The following ENTREP1 variants were observed in gnomAD, a reference collection of about 807,000 sequenced individuals.
ENTREP1 encodes the protein endosomal transmembrane epsin interactor 1.
chr9:69,341,207 A>T, the ENTREP1 span, among the ~76,000 whole-genome samples: 8 of 152,078 alleles, frequency 5.3e-5, 1 homozygote, highest in South Asian at 1.7e-3. Context: ...TGTCAATTAG[A>T]TGGGATAAGT....
chr9:69,346,219 T>A, the ENTREP1 span, among the ~76,000 whole-genome samples: 2 of 151,718 alleles, frequency 1.3e-5, no homozygotes, highest in Admixed American at 6.6e-5. Flanking sequence ...CTGACTTCAG[T>A]TGATTTGCCT....
the ENTREP1 span, chr9:69,377,386 T>C: frequency 1.2e-6 from 2 of 1,613,162 alleles, no homozygotes; most frequent in South Asian, 2.2e-5. Flanking sequence ...CTCTTTGCCC[T>C]GTGTGCCTTG....
chr9:69,367,786 C>T, the ENTREP1 span, among the ~76,000 whole-genome samples: 68,191 of 94,284 alleles, frequency 0.72, 24,639 homozygotes, highest in African/African-American at 0.78. Context: ...AATATATATA[C>T]ACACATATAT....
chr9:69,337,065 A>AGTG, the ENTREP1 span, among the ~76,000 whole-genome samples: 409 of 123,226 alleles, frequency 3.3e-3, 4 homozygotes, highest in Middle Eastern at 0.013. Flanking sequence ...CCCAGGCTGG[A>AGTG]GTGCAGTGGC....
chr9:69,390,248 A>G, the ENTREP1 span, among the ~76,000 whole-genome samples: 2 of 152,246 alleles, frequency 1.3e-5, no homozygotes, highest in Non-Finnish European at 2.9e-5. Context: ...ATAATCTTTT[A>G]ATGACCTTAA....
At chr9:69,387,091 A>G in the ENTREP1 span, 1 of 152,402 alleles carries the variant, frequency 6.6e-6, no homozygotes, top group South Asian at 2.1e-4. Flanking sequence ...GGAGCCCTCC[A>G]TTGTGGAAGG....
At chr9:69,379,364 G>C in the ENTREP1 span, among the ~76,000 whole-genome samples, 1 of 152,192 alleles carries the variant, frequency 6.6e-6, no homozygotes, top group South Asian at 2.1e-4. Flanking sequence ...CACTTGCCCA[G>C]GCAGGGGCAG....
the ENTREP1 span, chr9:69,371,598 A>G: frequency 3.1e-6 from 5 of 1,610,748 alleles, no homozygotes; most frequent in East Asian, 6.7e-5. Context: ...CAGCGTGCCC[A>G]GGTGTGATCT....
chr9:69,336,250 A>G, the ENTREP1 span: 1 of 1,590,390 alleles, frequency 6.3e-7, no homozygotes, highest in Non-Finnish European at 8.6e-7. Flanking sequence ...ACAACTTGGA[A>G]AAGGCCTATG....
At chr9:69,340,723 ATGTG>A in the ENTREP1 span, among the ~76,000 whole-genome samples, 4 of 51,290 alleles carry the variant, frequency 7.8e-5, no homozygotes, top group Admixed American at 2.1e-4. Context: ...GTGTGCATGC[ATGTG>A]TGTGTGTATG....
At chr9:69,353,053 C>T in the ENTREP1 span, among the ~76,000 whole-genome samples, 1 of 152,160 alleles carries the variant, frequency 6.6e-6, no homozygotes, top group Admixed American at 6.6e-5. Flanking sequence ...AGGAGGATCA[C>T]TTGAGCCCAG....
At chr9:69,331,658 G>A in the ENTREP1 span, among the ~76,000 whole-genome samples, 2 of 152,086 alleles carry the variant, frequency 1.3e-5, no homozygotes, top group Non-Finnish European at 2.9e-5. Flanking sequence ...TACTCTTTTA[G>A]GAAGCACAGG....
the ENTREP1 span, among the ~76,000 whole-genome samples, chr9:69,389,553 G>C: frequency 1.3e-5 from 2 of 152,192 alleles, no homozygotes; most frequent in African/African-American, 4.8e-5. Context: ...ACGGTTCCGG[G>C]TGAGGCTCCA....
chr9:69,349,236 A>G, the ENTREP1 span, among the ~76,000 whole-genome samples: 1 of 150,374 alleles, frequency 6.7e-6, no homozygotes, highest in Non-Finnish European at 1.5e-5. Context: ...TAATGCTGCT[A>G]TGAACATTAG....
chr9:69,382,528 T>C, the ENTREP1 span: 7 of 152,228 alleles, frequency 4.6e-5, no homozygotes, highest in African/African-American at 1.7e-4. Flanking sequence ...AAGCAAGGGA[T>C]GAGAGCCTCG....
chr9:69,348,638 G>A, the ENTREP1 span, among the ~76,000 whole-genome samples: 5 of 152,102 alleles, frequency 3.3e-5, no homozygotes, highest in African/African-American at 1.2e-4. Context: ...AACCACTAAT[G>A]TACTTTTTGT....
the ENTREP1 span, among the ~76,000 whole-genome samples, chr9:69,342,446 A>G: frequency 6.6e-6 from 1 of 152,230 alleles, no homozygotes. Flanking sequence ...GGTGTAGAAT[A>G]TAAATTAAAT....
the ENTREP1 span, among the ~76,000 whole-genome samples, chr9:69,353,414 C>T: frequency 6.6e-6 from 1 of 152,218 alleles, no homozygotes; most frequent in East Asian, 1.9e-4. Context: ...CATTTGCTGT[C>T]TCTACATAAA....
the ENTREP1 span, among the ~76,000 whole-genome samples, chr9:69,340,815 G>GCA: frequency 1.1e-4 from 2 of 18,638 alleles, no homozygotes; most frequent in African/African-American, 2.6e-4. Flanking sequence ...GTGTGTGTAT[G>GCA]TGTGTGTGTG....
Sources: allele counts gnomAD v4.1 joint callset (sites outside exome capture counted in the v4.1 genomes callset), GRCh38; gene constraint gnomAD v4.1.1; transcripts MANE v1.5; gene names NCBI Gene and HGNC (gene_info 2026-07-23, HGNC 2026-07-21).